Variants in ITGB5 observed in about 807,000 individuals in gnomAD.
The protein encoded by ITGB5 is integrin beta-5.
In ITGB5, 38 loss-of-function variants were observed where a neutral mutation model predicts 84.8. The observed-to-expected ratio is 0.45, with a 90% confidence interval of 0.35 to 0.59. The LOEUF (loss-of-function observed/expected upper bound fraction) is 0.59, where lower values mean the gene tolerates loss of function less well. Among genes scored for constraint, ITGB5 ranks in the 20% least tolerant of loss-of-function variants. The pLI is 0.01. For synonymous variants in ITGB5, 393 were observed against 414.4 expected (o/e 0.95, Z 0.63); for missense variants, 905 against 1,034.5 (o/e 0.87, Z 1.72).
chr3:124,860,061 G>T (rs1391596623), intron 2 of ITGB5, among the ~76,000 whole-genome samples: 1 of 152,158 alleles, frequency 6.6e-6, no homozygotes, highest in East Asian at 1.9e-4. Flanking sequence ...TTGGATGCTG[G>T]ATAATCATTC....
At chr3:124,787,163 C>T (rs936335416) in intron 10 of ITGB5, among the ~76,000 whole-genome samples, 1 of 152,170 alleles carries the variant, frequency 6.6e-6, no homozygotes, top group African/African-American at 2.4e-5. Context: ...ACAGAATCCT[C>T]GCCACGGGGT....
At chr3:124,772,395 C>T (rs572637051) in intron 11 of ITGB5, among the ~76,000 whole-genome samples, 1 of 152,182 alleles carries the variant, frequency 6.6e-6, no homozygotes, top group Non-Finnish European at 1.5e-5. Context: ...CCACCCAGAA[C>T]GTTTCCGAGC....
chr3:124,810,892 C>T (rs904223475), intron 8 of ITGB5, among the ~76,000 whole-genome samples: 8 of 151,612 alleles, frequency 5.3e-5, no homozygotes, highest in Non-Finnish European at 1.2e-4. Flanking sequence ...ACAGACTTGC[C>T]TCTTGCTCTT....
chr3:124,801,976 C>T (rs2064322929), intron 9 of ITGB5, among the ~76,000 whole-genome samples: 1 of 152,216 alleles, frequency 6.6e-6, no homozygotes, highest in South Asian at 2.1e-4. Context: ...CTGATGGGAC[C>T]AGCCCACCCC....
At chr3:124,868,830 T>C (rs1363171822) in intron 2 of ITGB5, among the ~76,000 whole-genome samples, 1 of 149,886 alleles carries the variant, frequency 6.7e-6, no homozygotes, top group Non-Finnish European at 1.5e-5. Context: ...TGATTAAAAA[T>C]GAAAAAAAAA....
rs371304520 is a variant in ITGB5, at chr3:124,879,020, A to G, written c.71-5489T>C. Reference sequence around the variant, plus strand: ...CAGTGTTTACTGCAAACTGTAATCTAAAAATATGTTCTTCCAAAATTCACT... The same window carrying G: ...CAGTGTTTACTGCAAACTGTAATCTGAAAATATGTTCTTCCAAAATTCACT... On this transcript the variant is annotated intron_variant, in intron 1 of 14. Coordinates refer to ENST00000296181, the MANE Select transcript of ITGB5 (RefSeq NM_002213.5). Among the ~76,000 whole-genome samples the G allele has an allele frequency of 3.7e-4, 56 of 152,262 alleles. 1 individual carries two copies. The East Asian group carries it at 7.9e-3, about 21-fold the overall frequency.
At position 124,764,408 on chromosome 3, in the gene ITGB5, T is replaced by G. The variant is rs1002381423; in HGVS notation, c.2287A>C (p.Arg763=). The stretch of plus-strand genomic sequence containing the variant: ...GTGCTTACCATTTCATAGCGGGCCC[T>G]GGATCGCTCGCTCTGAAACTTTGCA... The part of the protein sequence containing the change: ...EFAKFQSERS[R]ARYEMASNPL... The change falls in exon 14 of 15, where the codon AGG becomes CGG. Residue 763 remains arginine (R), a synonymous_variant. Coordinates refer to ENST00000296181, the MANE Select transcript of ITGB5 (RefSeq NM_002213.5). 1 of 1,611,744 alleles carries G rather than the reference T, an allele frequency of 6.2e-7. No individual in the cohort carries two copies. The highest frequency in any genetic ancestry group is 1.7e-5 in the Admixed American group (1 of 59,982).
intron 10 of ITGB5, among the ~76,000 whole-genome samples, chr3:124,780,999 G>A (rs1226984391): frequency 6.6e-6 from 1 of 152,228 alleles, no homozygotes; most frequent in Non-Finnish European, 1.5e-5. Context: ...AGAGCAGGAA[G>A]CCAAGTCAGC....
chr3:124,862,421 C>T (rs1193107881), intron 2 of ITGB5: 4 of 152,246 alleles, frequency 2.6e-5, no homozygotes, highest in African/African-American at 9.6e-5. Flanking sequence ...ATGATCCCCC[C>T]CACTGCTGGG....
At chr3:124,844,847 A>G (rs537844327) in intron 4 of ITGB5, among the ~76,000 whole-genome samples, 1 of 152,290 alleles carries the variant, frequency 6.6e-6, no homozygotes, top group South Asian at 2.1e-4. Context: ...ACCCATAAAA[A>G]CTGTAACTCC....
chr3:124,781,403 T>C (rs1041047151), intron 10 of ITGB5: 1 of 152,432 alleles, frequency 6.6e-6, no homozygotes, highest in African/African-American at 2.4e-5. Context: ...TGCCTGGTGT[T>C]CTCAGGGTGT....
chr3:124,788,732 A>AT (rs991331290), intron 10 of ITGB5, among the ~76,000 whole-genome samples: 37 of 152,318 alleles, frequency 2.4e-4, no homozygotes, highest in African/African-American at 8.2e-4. Context: ...TGTGGAAGAT[A>AT]TATTTTGCAT....
rs1302532429 is a variant in ITGB5, at chr3:124,887,136, GCCCGCGCTGGC to G, written c.-147_-137del. On this transcript the variant is annotated 5_prime_UTR_variant, in exon 1 of 15. The change abolishes the stop of an existing upstream ORF in the 5' untranslated region. Coordinates refer to ENST00000296181, the MANE Select transcript of ITGB5 (RefSeq NM_002213.5). ...CCCGCGCGCAGCTCCGGCTCACGGCGCCCGCGCTGGCCCGCGCCCCGCCGCCACCATCCGTC... is the reference window on the plus strand; with the variant it reads ...CCCGCGCGCAGCTCCGGCTCACGGCGCCGCGCCCCGCCGCCACCATCCGTC... 6.1e-6 allele frequency: 1 copy of G among 162,666 alleles called. No individual in the cohort carries two copies. The highest frequency in any genetic ancestry group is 2.4e-5 in the African/African-American group (1 of 41,160). The allele number at this position is 162,666 out of a possible 1,614,324, so 10.1% of individuals were successfully genotyped here. A position where few individuals can be genotyped will look rare whatever the true frequency, so the allele number is the denominator to read the frequency against.
At position 124,773,797 on chromosome 3, in the gene ITGB5, G is replaced by C. The variant is rs146672484; in HGVS notation, c.1809C>G (p.Ser603Arg). ...TCRGRDGQICSERGHCLCGQC... is the reference protein window; with the variant it reads ...TCRGRDGQICRERGHCLCGQC... The stretch of plus-strand genomic sequence containing the variant: ...GCCCACAGAGACAGTGCCCACGCTC[G>C]CTGCAGATCTGGCCATCTCTGCCCC... Residue 603 changes from serine (S) to arginine (R), a missense_variant, in exon 11 of 15, where the codon AGC (serine) becomes AGG (arginine). Around this residue, in one of 3 missense-constraint regions of ITGB5, gnomAD observed 116 missense variants for 177.0 expected, o/e 0.66. Transcript: ENST00000296181. The C allele has an allele frequency of 1.2e-6, 2 of 1,613,862 alleles. No individual in the cohort carries two copies. Among genetic ancestry groups the C allele is most frequent in the Admixed American group, 3.3e-5 (2 of 60,026 alleles).
chr3:124,827,615 G>A (rs73199520), intron 5 of ITGB5, among the ~76,000 whole-genome samples: 19,391 of 152,072 alleles, frequency 0.13, 2,151 homozygotes, highest in African/African-American at 0.29. Context: ...GAACCCTCAC[G>A]CCCTGCTGGT....
At chr3:124,797,735 C>G (rs369296081) in intron 9 of ITGB5, among the ~76,000 whole-genome samples, 31 of 152,234 alleles carry the variant, frequency 2.0e-4, no homozygotes, top group African/African-American at 6.3e-4. Flanking sequence ...CTCCTCACCC[C>G]CCTGAGGAGA....
chr3:124,768,089 G>A (rs889720409), intron 12 of ITGB5, among the ~76,000 whole-genome samples: 21 of 152,266 alleles, frequency 1.4e-4, no homozygotes, highest in Admixed American at 1.3e-3. Flanking sequence ...CTCAGAAGCC[G>A]TGACTGTAGT....
chr3:124,885,607 GACA>G (rs1326938263), intron 1 of ITGB5, among the ~76,000 whole-genome samples: 1 of 152,204 alleles, frequency 6.6e-6, no homozygotes, highest in Non-Finnish European at 1.5e-5. Flanking sequence ...GGGGAGCGTT[GACA>G]ACAATACATT....
intron 2 of ITGB5, among the ~76,000 whole-genome samples, chr3:124,861,513 CACACACACACACACAG>C (rs1028074811): frequency 3.4e-5 from 5 of 147,304 alleles, no homozygotes; most frequent in Admixed American, 6.7e-5. Context: ...CACACACACA[CACACACACACACACAG>C]AGAGATACAC....
Sources: gnomAD v4.1 joint callset for allele counts (sites outside exome capture counted in the v4.1 genomes callset) on GRCh38, gnomAD v4.1.1 for gene constraint, gnomAD v4.1.1 regional missense constraint, MANE v1.5 for transcripts, NCBI Gene and HGNC (gene_info 2026-07-23, HGNC 2026-07-21) for gene names.